The following MDGA2 variants were observed in gnomAD, a reference collection of about 807,000 sequenced individuals.
The protein encoded by MDGA2 is MAM domain-containing glycosylphosphatidylinositol anchor protein 2.
MDGA2 carries 40 observed loss-of-function variants against 117.8 expected under a neutral mutation model. The ratio of observed to expected loss-of-function variants is 0.34; its 90% CI spans 0.26 to 0.44. The LOEUF (loss-of-function observed/expected upper bound fraction) is 0.44. Ranked by LOEUF, MDGA2 falls within the 20% of genes least tolerant of loss-of-function variation. The pLI is 1.00. For synonymous variants in MDGA2, 452 were observed against 439.0 expected, an observed-to-expected ratio of 1.03 and a Z score of -0.37; for missense variants, 1,123 against 1,250.6, an observed-to-expected ratio of 0.90 and a Z score of 1.54.
intron 1 of MDGA2, among the ~76,000 whole-genome samples, chr14:47,371,876 A>G (rs770130011): frequency 6.6e-6 from 1 of 151,822 alleles, no homozygotes; most frequent in Non-Finnish European, 1.5e-5. Flanking sequence ...TTCATTTCAT[A>G]TCTGATAACA....
intron 1 of MDGA2, among the ~76,000 whole-genome samples, chr14:47,503,421 CT>C (rs1180360462): frequency 1.6e-3 from 213 of 133,702 alleles, no homozygotes; most frequent in South Asian, 6.6e-3. Flanking sequence ...CCTCTACTAC[CT>C]TTTTTTTTTT....
chr14:46,951,957 T>C (rs1279670438), intron 9 of MDGA2, among the ~76,000 whole-genome samples: 1 of 151,940 alleles, frequency 6.6e-6, no homozygotes, highest in Admixed American at 6.6e-5. Flanking sequence ...CTTGAGTCAA[T>C]AATTAAACCT....
chr14:47,643,960 A>G (rs1456024480), intron 1 of MDGA2, among the ~76,000 whole-genome samples: 1 of 152,172 alleles, frequency 6.6e-6, no homozygotes, highest in Non-Finnish European at 1.5e-5. Context: ...AAAAGGAGGA[A>G]ATAAGACATT....
chr14:46,954,495 C>T (rs1170289424), intron 9 of MDGA2, among the ~76,000 whole-genome samples: 1 of 152,106 alleles, frequency 6.6e-6, no homozygotes, highest in Non-Finnish European at 1.5e-5. Flanking sequence ...ACCCTACTTC[C>T]TACTTCTGTA....
chr14:47,180,908 G>A (rs535678245), intron 3 of MDGA2, among the ~76,000 whole-genome samples: 16 of 152,170 alleles, frequency 1.1e-4, no homozygotes, highest in Middle Eastern at 3.4e-3. Context: ...GCGACAGAGC[G>A]AGACTTCCAC....
At chr14:47,205,279 C>T (rs970925270) in intron 3 of MDGA2, among the ~76,000 whole-genome samples, 12 of 151,858 alleles carry the variant, frequency 7.9e-5, no homozygotes, top group African/African-American at 2.4e-4. Context: ...TGGTCTTTAG[C>T]GACTATTTAT....
intron 2 of MDGA2, among the ~76,000 whole-genome samples, chr14:47,267,647 T>C (rs1412165992): frequency 2.6e-5 from 4 of 152,204 alleles, no homozygotes; most frequent in African/African-American, 4.8e-5. Flanking sequence ...TTACTTCTAA[T>C]GAACACACAC....
At chr14:47,593,290 A>T (rs1896475817) in intron 1 of MDGA2, among the ~76,000 whole-genome samples, 1 of 152,312 alleles carries the variant, frequency 6.6e-6, no homozygotes, top group Admixed American at 6.5e-5. Flanking sequence ...GTGGGAATGT[A>T]AATTAGTTCA....
rs77281288 is a variant in MDGA2, at chr14:47,008,115, T to G, written c.1819+26896A>C. On this transcript the variant is annotated intron_variant, in intron 8 of 16. Coordinates refer to ENST00000399232, the MANE Select transcript of MDGA2 (RefSeq NM_001113498.3). ...ATGAGTTTGAATATTCCATAATGGA[T>G]AAATATATACTGAGTCTCATTCTAT... Among the ~76,000 whole-genome samples the G allele has an allele frequency of 9.2e-3, 1,399 of 151,968 alleles. 22 individuals carry two copies. The highest frequency in any genetic ancestry group is 0.032 in the African/African-American group (1,349 of 41,520).
intron 1 of MDGA2, among the ~76,000 whole-genome samples, chr14:47,458,612 C>A (rs1222744738): frequency 6.6e-6 from 1 of 152,070 alleles, no homozygotes; most frequent in African/African-American, 2.4e-5. Context: ...GGTAACAACT[C>A]TCTGGTGTAT....
intron 1 of MDGA2, among the ~76,000 whole-genome samples, chr14:47,636,024 C>T (rs370157737): frequency 6.6e-6 from 1 of 152,042 alleles, no homozygotes; most frequent in Non-Finnish European, 1.5e-5. Context: ...TTAAAATGCT[C>T]GAGCAACTAA....
intron 10 of MDGA2, among the ~76,000 whole-genome samples, chr14:46,900,240 T>G (rs1469195911): frequency 1.3e-5 from 2 of 152,158 alleles, no homozygotes; most frequent in African/African-American, 4.8e-5. Flanking sequence ...AGAAAGTGGC[T>G]CACTCATATA....
At chr14:47,023,198 TAA>T (rs71985853) in intron 8 of MDGA2, among the ~76,000 whole-genome samples, 232 of 102,836 alleles carry the variant, frequency 2.3e-3, no homozygotes, top group African/African-American at 5.7e-3. Context: ...TTCCCACTCG[TAA>T]AAAAAAAAAA....
chr14:47,518,086 A>AG (rs1035317630), intron 1 of MDGA2, among the ~76,000 whole-genome samples: 7 of 152,198 alleles, frequency 4.6e-5, no homozygotes, highest in African/African-American at 1.7e-4. Context: ...AAGAGTGAAG[A>AG]GGTATGGGTG....
intron 1 of MDGA2, among the ~76,000 whole-genome samples, chr14:47,535,686 G>C (rs1895196348): frequency 6.6e-6 from 1 of 152,094 alleles, no homozygotes; most frequent in Non-Finnish European, 1.5e-5. Context: ...ACAAAAAGGA[G>C]GACACAAATA....
chr14:47,348,917 G>A (rs1394756526), intron 1 of MDGA2, among the ~76,000 whole-genome samples: 1 of 152,162 alleles, frequency 6.6e-6, no homozygotes, highest in East Asian at 1.9e-4. Context: ...GAGAATTACT[G>A]AGAAACATGA....
At chr14:46,960,935 T>A (rs1885780194) in intron 8 of MDGA2, among the ~76,000 whole-genome samples, 2 of 140,168 alleles carry the variant, frequency 1.4e-5, no homozygotes, top group South Asian at 4.4e-4. Context: ...TATATGTGTA[T>A]GCGTATATAT....
intron 1 of MDGA2, among the ~76,000 whole-genome samples, chr14:47,665,811 C>G (rs1171061058): frequency 2.1e-4 from 2 of 9,744 alleles, no homozygotes; most frequent in Non-Finnish European, 6.0e-4. Flanking sequence ...CCCTCGCCCC[C>G]CCTCCCCCCC....
chr14:46,990,875 CA>C (rs1362445645), intron 8 of MDGA2, among the ~76,000 whole-genome samples: 13 of 106,978 alleles, frequency 1.2e-4, no homozygotes, highest in Admixed American at 9.1e-4. Context: ...CCCACACACA[CA>C]CACACACACA....
Sources: gnomAD v4.1 joint callset for allele counts (sites outside exome capture counted in the v4.1 genomes callset) on GRCh38, gnomAD v4.1.1 for gene constraint, MANE v1.5 for transcripts, NCBI Gene and HGNC (gene_info 2026-07-23, HGNC 2026-07-21) for gene names.